The following POU2F1 variants were observed in gnomAD, a reference collection of about 807,000 sequenced individuals.
POU2F1 encodes the protein POU domain, class 2, transcription factor 1.
In POU2F1, 16 loss-of-function variants were observed where a neutral mutation model predicts 84.9. The ratio of observed to expected loss-of-function variants is 0.19; its 90% confidence interval spans 0.13 to 0.29. The LOEUF is 0.29. Ranked by LOEUF, POU2F1 falls within the 10% of genes least tolerant of loss-of-function variation. POU2F1 has a pLI of 1.00. For missense variants in POU2F1, 738 were observed against 942.6 expected (o/e 0.78, Z 2.84); for synonymous variants, 368 against 368.3 (o/e 1.00, Z 0.01).
intron 1 of POU2F1, among the ~76,000 whole-genome samples, chr1:167,316,880 G>A (rs890611399): frequency 6.6e-6 from 1 of 152,056 alleles, no homozygotes; most frequent in Admixed American, 6.6e-5. Flanking sequence ...TGTTGAAATA[G>A]GATAACTCTA....
At chr1:167,257,864 T>C in intron 1 of POU2F1, 1 of 151,252 alleles carries the variant, frequency 6.6e-6, no homozygotes, top group South Asian at 2.1e-4. Context: ...ACCCTCAACC[T>C]CCTGAGGTCA....
intron 1 of POU2F1, among the ~76,000 whole-genome samples, chr1:167,245,489 C>G (rs1650248343): frequency 6.6e-6 from 1 of 151,140 alleles, no homozygotes; most frequent in African/African-American, 2.4e-5. Flanking sequence ...TCTCAGCTCA[C>G]TGCAACCTCC....
rs1650473915 is a variant in POU2F1 at position 167,418,920 on chromosome 1, T to G, written c.*3110T>G. 1 of 152,088 alleles carries G rather than the reference T, an allele frequency of 6.6e-6. No individual in the cohort carries two copies. The highest frequency in any genetic ancestry group is 6.6e-5 in the Admixed American group (1 of 15,262). The allele number at this position is 152,088 out of a possible 1,614,324, so 9.4% of individuals were successfully genotyped here. A position where few individuals can be genotyped will look rare whatever the true frequency, so the allele number is the denominator to read the frequency against. ...GATAAATCTTTAGATAAAAATAAAT[T>G]TTTTTCTCTTTTTTTACTTATTTAA... On this transcript the variant is annotated 3_prime_UTR_variant, in exon 16 of 16. Transcript: ENST00000367866.
intron 1 of POU2F1, among the ~76,000 whole-genome samples, chr1:167,316,979 C>T (rs1655950256): frequency 6.6e-6 from 1 of 152,108 alleles, no homozygotes; most frequent in Non-Finnish European, 1.5e-5. Flanking sequence ...GCAACTTCTG[C>T]CTCCTGGGTT....
intron 1 of POU2F1, among the ~76,000 whole-genome samples, chr1:167,234,486 C>CT (rs1183785894): frequency 6.6e-6 from 1 of 152,126 alleles, no homozygotes; most frequent in Non-Finnish European, 1.5e-5. Context: ...AATCCCAGCA[C>CT]TTTGGGAGGC....
At position 167,363,628 on chromosome 1, in the gene POU2F1, G is replaced by A. The variant is rs142249041; in HGVS notation, c.128-1839G>A. ...GATTCTAATTACATTTTATTTTCAC[G>A]CAAGTTTTCAATTACTTGACACAAG... On this transcript the variant is annotated intron_variant, in intron 2 of 15. Transcript: ENST00000367866. Among the ~76,000 whole-genome samples, 798 of 152,194 alleles carry A rather than the reference G, an allele frequency of 5.2e-3. 7 individuals carry two copies. Among genetic ancestry groups the A allele is most frequent in the African/African-American group, 0.018 (734 of 41,540 alleles).
intron 13 of POU2F1, among the ~76,000 whole-genome samples, chr1:167,408,633 A>G (rs1312302366): frequency 2.6e-5 from 4 of 152,224 alleles, no homozygotes; most frequent in African/African-American, 9.6e-5. Context: ...GTATGATTCC[A>G]TTTGTGTGAA....
At chr1:167,264,741 T>A (rs112613682) in intron 1 of POU2F1, among the ~76,000 whole-genome samples, 309 of 152,258 alleles carry the variant, frequency 2.0e-3, no homozygotes, top group Non-Finnish European at 3.4e-3. Flanking sequence ...GAAATTTTTT[T>A]AAAAAAATTT....
rs921102274 is a variant in POU2F1, at chr1:167,426,698, A to G, written c.*10888A>G. The G allele has an allele frequency of 6.6e-6, 1 of 152,152 alleles. No individual in the cohort carries two copies. The highest frequency in any genetic ancestry group is 1.5e-5 in the Non-Finnish European group (1 of 68,030). The allele number at this position is 152,152 out of a possible 1,614,324, so 9.4% of individuals were successfully genotyped here. On this transcript the variant is annotated 3_prime_UTR_variant, in exon 16 of 16. Transcript: ENST00000367866. ...AAGGGGAATTGGCCCCCGGCCTCCT[A>G]GAACTTTTTGTTTTATGTACTTTAA...
At chr1:167,228,494 A>C (rs569069940) in intron 1 of POU2F1, among the ~76,000 whole-genome samples, 74 of 152,372 alleles carry the variant, frequency 4.9e-4, no homozygotes, top group African/African-American at 1.5e-3. Flanking sequence ...ATTACATTAC[A>C]TGGAATAAGG....
intron 7 of POU2F1, among the ~76,000 whole-genome samples, chr1:167,382,980 A>G (rs1647677686): frequency 6.6e-6 from 1 of 152,170 alleles, no homozygotes; most frequent in Non-Finnish European, 1.5e-5. Flanking sequence ...TTAGTAACCT[A>G]ATGAAATCAT....
intron 13 of POU2F1, among the ~76,000 whole-genome samples, chr1:167,401,895 G>A (rs1649238034): frequency 6.6e-6 from 1 of 152,110 alleles, no homozygotes; most frequent in South Asian, 2.1e-4. Context: ...ATCTTAGCCT[G>A]CAGTTCTTGA....
chr1:167,232,014 A>G, intron 1 of POU2F1, among the ~76,000 whole-genome samples: 1 of 152,080 alleles, frequency 6.6e-6, no homozygotes, highest in East Asian at 1.9e-4. Flanking sequence ...CAACACACAC[A>G]CACCAATATC....
At chr1:167,297,079 T>G (rs1654333555) in intron 1 of POU2F1, among the ~76,000 whole-genome samples, 1 of 152,232 alleles carries the variant, frequency 6.6e-6, no homozygotes. Flanking sequence ...GATTTTGCAC[T>G]AATAACCAGA....
chr1:167,346,561 C>T (rs1254900419), intron 2 of POU2F1, among the ~76,000 whole-genome samples: 1 of 152,190 alleles, frequency 6.6e-6, no homozygotes, highest in African/African-American at 2.4e-5. Context: ...TACCTCACAT[C>T]ATCAGTCATT....
At chr1:167,326,705 A>G (rs1275234130) in intron 1 of POU2F1, among the ~76,000 whole-genome samples, 6 of 152,110 alleles carry the variant, frequency 3.9e-5, no homozygotes, top group Non-Finnish European at 8.8e-5. Context: ...TCCCTGCTAC[A>G]GGTCTTGTGG....
intron 1 of POU2F1, among the ~76,000 whole-genome samples, chr1:167,269,564 AT>A (rs1217815922): frequency 1.3e-5 from 2 of 152,172 alleles, no homozygotes; most frequent in Non-Finnish European, 2.9e-5. Flanking sequence ...AAGGAATAGT[AT>A]TTCTTTTTTA....
intron 1 of POU2F1, among the ~76,000 whole-genome samples, chr1:167,288,829 T>A (rs1025012339): frequency 2.0e-5 from 3 of 152,228 alleles, no homozygotes; most frequent in Admixed American, 6.5e-5. Context: ...GGATCTAGAA[T>A]TTCCGTTCAA....
intron 13 of POU2F1, among the ~76,000 whole-genome samples, chr1:167,409,212 G>A (rs927313139): frequency 2.0e-5 from 3 of 152,148 alleles, no homozygotes; most frequent in African/African-American, 7.2e-5. Flanking sequence ...TTTATGCACA[G>A]TGTAAGGTAA....
Sources: gnomAD v4.1 joint callset for allele counts (sites outside exome capture counted in the v4.1 genomes callset) on GRCh38, gnomAD v4.1.1 for gene constraint, MANE v1.5 for transcripts, NCBI Gene and HGNC (gene_info 2026-07-23, HGNC 2026-07-21) for gene names.